The following TBC1D19 variants were observed in gnomAD, a reference collection of about 807,000 sequenced individuals.
The protein encoded by TBC1D19 is TBC1 domain family, member 19.
Under a neutral mutation model 89.0 loss-of-function variants are expected in TBC1D19, and 60 were observed. The ratio of observed to expected loss-of-function variants is 0.67; its 90% CI spans 0.55 to 0.84. The LOEUF (loss-of-function observed/expected upper bound fraction) is 0.84. TBC1D19 is among the 40% of genes least tolerant of loss of function. TBC1D19 has a pLI of 0.00. For missense variants in TBC1D19, 500 were observed against 610.8 expected (o/e 0.82, Z 1.91); for synonymous variants, 189 against 199.7 (o/e 0.95, Z 0.45).
In TBC1D19 at chr4:26,585,644, T is replaced by C. The variant is rs548900409; in HGVS notation, c.99+1352T>C. Among the ~76,000 whole-genome samples the C allele has an allele frequency of 3.1e-4, 47 of 151,990 alleles. 1 individual carries two copies. The South Asian group carries it at 8.5e-3, about 28-fold the overall frequency. On this transcript the variant is annotated intron_variant, in intron 1 of 20. Transcript: ENST00000264866. ...TGTCACCCTGGCTGGAGTGCAGTGG[T>C]GTGATCTCGGCTCACTACAACCTCT...
chr4:26,710,716 C>G (rs769988188), intron 13 of TBC1D19, among the ~76,000 whole-genome samples: 1 of 151,982 alleles, frequency 6.6e-6, no homozygotes, highest in East Asian at 1.9e-4. Flanking sequence ...TTTAATGATC[C>G]TCATTCTAAC....
chr4:26,683,807 C>A (rs1713567027), intron 12 of TBC1D19, 58 bp downstream of exon 12: 3 of 1,394,712 alleles, frequency 2.2e-6, no homozygotes, highest in Non-Finnish European at 3.0e-6. Context: ...AATTGAGATT[C>A]TTCAGTATGC....
Position 26,735,447 on chromosome 4 carries a change from T to TC in TBC1D19, c.1085-8_1085-7insC. ...ACTTATTGAAAAGAAATACCTTTTT[T>TC]TTTTTAGGTGTTATCCCTTTTCATG... On this transcript the variant is annotated splice_region_variant and splice_polypyrimidine_tract_variant and intron_variant, in intron 15 of 20. Coordinates refer to ENST00000264866, the MANE Select transcript of TBC1D19 (RefSeq NM_018317.4). 6.4e-7 allele frequency: 1 copy of TC among 1,555,482 alleles called. No homozygotes were observed. Among genetic ancestry groups the TC allele is most frequent in the Non-Finnish European group, 8.7e-7 (1 of 1,145,896 alleles).
intron 10 of TBC1D19, among the ~76,000 whole-genome samples, chr4:26,672,661 T>C (rs1344017938): frequency 6.6e-6 from 1 of 152,014 alleles, no homozygotes; most frequent in Non-Finnish European, 1.5e-5. Flanking sequence ...GAATAGTTTT[T>C]CCCTATCTTT....
the TBC1D19 span, among the ~76,000 whole-genome samples, chr4:26,771,792 GGTATGTCTCAT>G: frequency 6.6e-6 from 1 of 151,840 alleles, no homozygotes; most frequent in African/African-American, 2.4e-5. Flanking sequence ...TTGTTCAAAG[GGTATGTCTCAT>G]GTTAAGTGTT....
intron 1 of TBC1D19, among the ~76,000 whole-genome samples, chr4:26,606,622 A>G (rs1741021933): frequency 6.6e-6 from 1 of 152,192 alleles, no homozygotes; most frequent in Non-Finnish European, 1.5e-5. Flanking sequence ...AGAAAGGTAG[A>G]GTTTTAAATT....
the TBC1D19 span, among the ~76,000 whole-genome samples, chr4:26,769,134 G>A: frequency 5.9e-5 from 9 of 152,206 alleles, no homozygotes; most frequent in Admixed American, 1.3e-4. Context: ...GCAGTAGACC[G>A]ATGTCTTTAA....
chr4:26,654,909 G>C (rs1744682980), intron 7 of TBC1D19, among the ~76,000 whole-genome samples: 1 of 152,090 alleles, frequency 6.6e-6, no homozygotes, highest in African/African-American at 2.4e-5. Context: ...TTTTTCCATT[G>C]CTGGTGAGGA....
At chr4:26,730,463 T>A (rs1489385166) in intron 15 of TBC1D19, among the ~76,000 whole-genome samples, 1 of 152,202 alleles carries the variant, frequency 6.6e-6, no homozygotes, top group African/African-American at 2.4e-5. Context: ...ACTTGATTGT[T>A]GAAGGCAAGT....
At chr4:26,742,649 T>C in intron 18 of TBC1D19, 50 bp downstream of exon 18, 1 of 1,484,392 alleles carries the variant, frequency 6.7e-7, no homozygotes. Flanking sequence ...CACAGAAAGC[T>C]CTTTTTTCCT....
upstream of TBC1D19, among the ~76,000 whole-genome samples, chr4:26,580,844 A>G (rs546708398): frequency 2.0e-4 from 31 of 152,314 alleles, no homozygotes; most frequent in Non-Finnish European, 2.8e-4. Flanking sequence ...AATGCGTTCC[A>G]CAACCTTGCC....
At chr4:26,829,885 T>C in the TBC1D19 span, among the ~76,000 whole-genome samples, 3 of 152,180 alleles carry the variant, frequency 2.0e-5, no homozygotes, top group South Asian at 2.1e-4. Context: ...TAAACTGATA[T>C]AGGTGTCAGC....
chr4:26,748,476 T>G lies in TBC1D19; in HGVS notation c.1385T>G (p.Leu462Trp). ...GGATACTTAGCTACAGATCAGCTCT[T>G]GCTTTTATGGGATAGAATCCTAGGA... ...FSGYLATDQL[L>W]LLWDRILGYN... is the part of the protein sequence containing the mutation. Residue 462 changes from leucine (L) to tryptophan (W), a missense_variant, in exon 19 of 21, where the codon TTG becomes TGG. Transcript: ENST00000264866. 6.2e-7 allele frequency: 1 copy of G among 1,613,968 alleles called. No individual in the cohort carries two copies. The highest frequency in any genetic ancestry group is 8.5e-7 in the Non-Finnish European group (1 of 1,179,880).
At chr4:26,603,388 A>G (rs1032701407) in intron 1 of TBC1D19, among the ~76,000 whole-genome samples, 3 of 152,220 alleles carry the variant, frequency 2.0e-5, no homozygotes, top group Non-Finnish European at 4.4e-5. Flanking sequence ...TGATCAATGC[A>G]TTTTTATGTT....
chr4:26,673,448 C>T (rs13112397), intron 10 of TBC1D19, among the ~76,000 whole-genome samples: 28 of 69,084 alleles, frequency 4.1e-4, no homozygotes, highest in East Asian at 1.7e-3. Context: ...TATATATATA[C>T]ACACACACAC....
intron 1 of TBC1D19, among the ~76,000 whole-genome samples, chr4:26,588,423 A>G (rs1472305142): frequency 9.2e-5 from 14 of 151,802 alleles, no homozygotes; most frequent in East Asian, 3.9e-4. Context: ...TCTGTTTTCA[A>G]TCGCTCTGAT....
chr4:26,733,392 T>C (rs769653082), intron 15 of TBC1D19, among the ~76,000 whole-genome samples: 12 of 152,160 alleles, frequency 7.9e-5, no homozygotes, highest in Non-Finnish European at 1.6e-4. Flanking sequence ...ATTATGTGAG[T>C]TCTAGCGTTA....
At chr4:26,629,153 T>C (rs1002352234) in intron 4 of TBC1D19, among the ~76,000 whole-genome samples, 1 of 152,038 alleles carries the variant, frequency 6.6e-6, no homozygotes, top group Non-Finnish European at 1.5e-5. Flanking sequence ...ACTGCGTCTA[T>C]TTGAAACTGC....
the TBC1D19 span, among the ~76,000 whole-genome samples, chr4:26,795,035 C>G: frequency 2.6e-5 from 4 of 152,182 alleles, no homozygotes; most frequent in African/African-American, 9.7e-5. Context: ...ATCCGTAAGT[C>G]AGATCATGCC....
Sources: allele counts gnomAD v4.1 joint callset (sites outside exome capture counted in the v4.1 genomes callset), GRCh38; gene constraint gnomAD v4.1.1; transcripts MANE v1.5; gene names NCBI Gene and HGNC (gene_info 2026-07-23, HGNC 2026-07-21).